Variants in CCSER1 observed in about 807,000 individuals in gnomAD.
CCSER1 encodes the protein serine-rich coiled-coil domain-containing protein 1.
In CCSER1, 41 loss-of-function variants were observed where a neutral mutation model predicts 82.0. The observed-to-expected ratio is 0.50, with a 90% CI of 0.39 to 0.65. CCSER1 has a LOEUF of 0.65. CCSER1 is among the 30% of genes least tolerant of loss of function. The probability of loss-of-function intolerance (pLI) is 0.00; values close to 1 mark genes in which losing one functional copy is unlikely to be tolerated. For synonymous variants in CCSER1, 414 were observed against 383.9 expected (o/e 1.08, Z -0.92); for missense variants, 1,119 against 1,064.2 (o/e 1.05, Z -0.72).
intron 10 of CCSER1, among the ~76,000 whole-genome samples, chr4:91,186,173 G>A (rs1444342491): frequency 7.9e-5 from 12 of 152,186 alleles, no homozygotes; most frequent in African/African-American, 2.9e-4. Flanking sequence ...GATCTGGAGG[G>A]TCTTTTTCTT....
chr4:91,193,129 A>G (rs766879043), intron 10 of CCSER1, among the ~76,000 whole-genome samples: 2 of 152,060 alleles, frequency 1.3e-5, no homozygotes, highest in African/African-American at 2.4e-5. Context: ...TAGCTCATCT[A>G]TAATACCTAA....
intron 5 of CCSER1, among the ~76,000 whole-genome samples, chr4:90,608,158 G>C (rs528668763): frequency 6.6e-6 from 1 of 152,136 alleles, no homozygotes; most frequent in Non-Finnish European, 1.5e-5. Flanking sequence ...TTAGATTAAG[G>C]TTTACACTTT....
chr4:90,915,504 G>A (rs1727215698), intron 8 of CCSER1, among the ~76,000 whole-genome samples: 1 of 152,130 alleles, frequency 6.6e-6, no homozygotes, highest in Non-Finnish European at 1.5e-5. Context: ...AGGTATTGAT[G>A]GGATGTATCT....
chr4:91,585,613 G>C (rs1578857911), intron 10 of CCSER1, among the ~76,000 whole-genome samples: 1 of 151,446 alleles, frequency 6.6e-6, no homozygotes, highest in African/African-American at 2.4e-5. Context: ...TTAAATTCTG[G>C]GTTGTGAAAA....
intron 10 of CCSER1, among the ~76,000 whole-genome samples, chr4:91,236,422 G>T (rs1310542917): frequency 1.3e-5 from 2 of 152,046 alleles, no homozygotes; most frequent in Non-Finnish European, 2.9e-5. Context: ...GGTGGAGGTT[G>T]CAGTGAGCCG....
chr4:90,693,910 AGAG>A (rs139798238), intron 6 of CCSER1, among the ~76,000 whole-genome samples: 20,418 of 151,698 alleles, frequency 0.13, 1,755 homozygotes, highest in Non-Finnish European at 0.19. Flanking sequence ...GAAAGAAGAA[AGAG>A]GAGGAGAGAG....
chr4:91,537,815 CAT>C (rs934338756), intron 10 of CCSER1, among the ~76,000 whole-genome samples: 11 of 87,004 alleles, frequency 1.3e-4, no homozygotes, highest in African/African-American at 3.8e-4. Context: ...TGTAAAACCA[CAT>C]GTTTTTTTTC....
intron 10 of CCSER1, among the ~76,000 whole-genome samples, chr4:91,228,373 C>A (rs1002256081): frequency 6.6e-6 from 1 of 151,902 alleles, no homozygotes; most frequent in African/African-American, 2.4e-5. Context: ...AGCACATACA[C>A]ATAAATACTA....
chr4:91,201,808 A>G (rs1735921838), intron 10 of CCSER1, among the ~76,000 whole-genome samples: 1 of 152,070 alleles, frequency 6.6e-6, no homozygotes. Flanking sequence ...ACATCAGTAG[A>G]ATAAGCACTT....
At chr4:91,072,420 A>G (rs1721534504) in intron 9 of CCSER1, among the ~76,000 whole-genome samples, 1 of 152,102 alleles carries the variant, frequency 6.6e-6, no homozygotes. Flanking sequence ...TCAAATCTAA[A>G]TGAATTCAAA....
chr4:90,817,684 G>A (rs1759198506), intron 8 of CCSER1, among the ~76,000 whole-genome samples: 1 of 152,072 alleles, frequency 6.6e-6, no homozygotes, highest in South Asian at 2.1e-4. Flanking sequence ...AAGGACTGCA[G>A]CTAAGGGAGA....
chr4:90,259,982 G>A (rs544945748), intron 1 of CCSER1, among the ~76,000 whole-genome samples: 42 of 152,162 alleles, frequency 2.8e-4, no homozygotes, highest in African/African-American at 4.6e-4. Flanking sequence ...TGGCTTCATC[G>A]AATGACTTAG....
chr4:91,080,902 G>C (rs1288349039), intron 9 of CCSER1, among the ~76,000 whole-genome samples: 2 of 152,142 alleles, frequency 1.3e-5, no homozygotes, highest in Non-Finnish European at 2.9e-5. Context: ...TTCTGAAATT[G>C]AGGTAATAAT....
In CCSER1 at chr4:90,347,168, A is replaced by C. The variant is rs72881663; in HGVS notation, c.1509+34121A>C. ...AAGCACTACAGAGTATAATTGGAAT[A>C]AACAAAAGCATAAATAATAGGACAG... On this transcript the variant is annotated intron_variant, in intron 3 of 10. Transcript: ENST00000509176. Among the ~76,000 whole-genome samples the C allele has an allele frequency of 8.8e-3, 1,346 of 152,302 alleles. 20 individuals carry two copies. The highest frequency in any genetic ancestry group is 0.03 in the African/African-American group (1,228 of 41,550).
chr4:90,688,597 T>G (rs1304152766), intron 6 of CCSER1, among the ~76,000 whole-genome samples: 1 of 152,154 alleles, frequency 6.6e-6, no homozygotes, highest in Non-Finnish European at 1.5e-5. Flanking sequence ...CCCACTAATT[T>G]TTCAAGTAAA....
Position 90,628,989 on chromosome 4 carries a change from G to A in CCSER1, c.1932+757G>A, listed in dbSNP as rs116617390. On this transcript the variant is annotated intron_variant, in intron 6 of 10. Transcript: ENST00000509176. Reference sequence around the variant, plus strand: ...TTTCTCAAGTAAGTGTAATTTCAGGGCAACAGCCTGAAATTTGTGTCTTTG... The same window carrying A: ...TTTCTCAAGTAAGTGTAATTTCAGGACAACAGCCTGAAATTTGTGTCTTTG... Among the ~76,000 whole-genome samples the A allele has an allele frequency of 1.0e-2, 1,515 of 152,040 alleles. 34 individuals are homozygous for A. The highest frequency in any genetic ancestry group is 0.035 in the African/African-American group (1,444 of 41,432).
chr4:90,922,067 T>G (rs1213066968), intron 8 of CCSER1, among the ~76,000 whole-genome samples: 1 of 152,086 alleles, frequency 6.6e-6, no homozygotes, highest in Non-Finnish European at 1.5e-5. Context: ...CTGCATGATC[T>G]AATCTGCATC....
At chr4:91,593,467 C>CTTTTT (rs753973015) in intron 10 of CCSER1, among the ~76,000 whole-genome samples, 7 of 55,044 alleles carry the variant, frequency 1.3e-4, no homozygotes, top group East Asian at 5.8e-4. Context: ...CAACCCCGTG[C>CTTTTT]TTTTTTTTTT....
intron 7 of CCSER1, among the ~76,000 whole-genome samples, chr4:90,750,587 A>C (rs1748451583): frequency 6.6e-6 from 1 of 152,240 alleles, no homozygotes; most frequent in Admixed American, 6.5e-5. Flanking sequence ...AAAGTGCTCA[A>C]ATTTTACAGT....
Sources: allele counts gnomAD v4.1 joint callset (sites outside exome capture counted in the v4.1 genomes callset), GRCh38; gene constraint gnomAD v4.1.1; transcripts MANE v1.5; gene names NCBI Gene and HGNC (gene_info 2026-07-23, HGNC 2026-07-21).